The following SLC2A3 variants were observed in gnomAD, a reference collection of about 807,000 sequenced individuals.
The protein encoded by SLC2A3 is solute carrier family 2 member 3.
A neutral mutation model predicts 46.4 loss-of-function variants in SLC2A3; 21 were observed. That is an observed-to-expected ratio of 0.45 (90% CI 0.32 to 0.65). The LOEUF (loss-of-function observed/expected upper bound fraction) is 0.65, where lower values mean the gene tolerates loss of function less well. SLC2A3 is among the 30% of genes least tolerant of loss of function. The pLI is 0.04. For synonymous variants in SLC2A3, 213 were observed against 239.4 expected (o/e 0.89, Z 1.02); for missense variants, 499 against 623.3 (o/e 0.80, Z 2.12).
chr12:7,921,173 A>G lies in SLC2A3; in HGVS notation c.*240T>C. 1.2e-6 allele frequency: 1 copy of G among 856,364 alleles called. No individual in the cohort carries two copies. The highest frequency in any genetic ancestry group is 1.8e-6 in the Non-Finnish European group (1 of 560,128). 53.0% of individuals were successfully genotyped at this position (856,364 alleles called of 1,614,324 possible). On this transcript the variant is annotated 3_prime_UTR_variant, in exon 10 of 10. Coordinates refer to ENST00000075120, the MANE Select transcript of SLC2A3 (RefSeq NM_006931.3). ...GTGCCAAGCGGCCAATCCCTCCTGA[A>G]ATGAAGGTAGGTTCACTCGGTCTCT...
chr12:7,921,411 ACTTAGACATTGGTGGTGGTCTC>A lies in SLC2A3; in HGVS notation c.1471_*1del. ...CGGGAGGGAGGTGGAAGGAGGCACG[ACTTAGACATTGGTGGTGGTCTC>A]CTTAGCAGGCTCGATGCTGTTCATC... On this transcript the variant is annotated stop_lost and 3_prime_UTR_variant, in exon 10 of 10. Transcript: ENST00000075120. The A allele has an allele frequency of 6.2e-7, 1 of 1,614,056 alleles. No individual in the cohort carries two copies. Among genetic ancestry groups the A allele is most frequent in the East Asian group, 2.2e-5 (1 of 44,884 alleles).
chr12:7,925,942 A>G lies in SLC2A3; in HGVS notation c.868T>C (p.Tyr290His). 1.2e-6 allele frequency: 2 copies of G among 1,612,172 alleles called. No homozygotes were observed. The highest frequency in any genetic ancestry group is 1.1e-5 in the South Asian group (1 of 91,050). Residue 290 changes from tyrosine to histidine, a missense_variant, in exon 7 of 10, where the codon TAT becomes CAT. By Grantham distance (83) the Tyr-to-His change is moderately conservative. This residue lies in a region of SLC2A3 where 65 missense variants were observed against 88.4 expected (regional missense o/e 0.74). Transcript: ENST00000075120. Reference protein sequence around the residue: ...QQLSGINAVFYYSTGIFKDAG... With the variant: ...QQLSGINAVFHYSTGIFKDAG... ...TCCTTGAAGATTCCTGTTGAGTAATAGAACACCTAGGAGAAAAGAAAACAT... is the reference window on the plus strand; with the variant it reads ...TCCTTGAAGATTCCTGTTGAGTAATGGAACACCTAGGAGAAAAGAAAACAT...
chr12:7,931,591 T>C (rs1029694425), intron 3 of SLC2A3, 106 bp from the exon 4 acceptor site: 4 of 1,482,628 alleles, frequency 2.7e-6, no homozygotes, highest in Non-Finnish European at 3.6e-6. Context: ...TCATCCCTTT[T>C]TTTTTTAATC....
intron 4 of SLC2A3, 150 bp from the exon 5 acceptor site, chr12:7,930,792 GTTTTTTT>G: frequency 2.2e-4 from 55 of 245,108 alleles, no homozygotes; most frequent in South Asian, 3.2e-4. Flanking sequence ...ACTCAGCATG[GTTTTTTT>G]TTTTTTTTTT....
intron 5 of SLC2A3, 127 bp downstream of exon 5, chr12:7,930,353 C>T: frequency 9.3e-7 from 1 of 1,073,272 alleles, no homozygotes; most frequent in Non-Finnish European, 1.3e-6. Context: ...CAGGAGTAAT[C>T]AGAACCCTCC....
In SLC2A3 at chr12:7,921,496, G is replaced by A. The variant is rs751521307; in HGVS notation, c.1408C>T (p.His470Tyr). ...TCCTTTCCAGATCTATCTGCACCGT[G>A]TGCCTGCCCTTCAAAGGCCCGTGTG... ...DITRAFEGQA[H>Y]GADRSGKDGV... Residue 470 changes from histidine to tyrosine, a missense_variant, in exon 10 of 10, where the codon CAC (histidine) becomes TAC (tyrosine). Around this residue, in one of 5 missense-constraint regions of SLC2A3, gnomAD observed 179 missense variants for 205.1 expected, o/e 0.87. Coordinates refer to ENST00000075120, the MANE Select transcript of SLC2A3 (RefSeq NM_006931.3). The A allele has an allele frequency of 3.1e-6, 5 of 1,613,828 alleles. No homozygotes were observed. The highest frequency in any genetic ancestry group is 2.7e-5 in the African/African-American group (2 of 74,902).
In SLC2A3 at chr12:7,921,166, C is replaced by A; in HGVS notation, c.*247G>T. ...TTGTCATGTGCCAAGCGGCCAATCCCTCCTGAAATGAAGGTAGGTTCACTC... is the reference window on the plus strand; with the variant it reads ...TTGTCATGTGCCAAGCGGCCAATCCATCCTGAAATGAAGGTAGGTTCACTC... On this transcript the variant is annotated 3_prime_UTR_variant, in exon 10 of 10. Coordinates refer to ENST00000075120, the MANE Select transcript of SLC2A3 (RefSeq NM_006931.3). 1 of 818,916 alleles carries A rather than the reference C, an allele frequency of 1.2e-6. No individual in the cohort carries two copies. Among genetic ancestry groups the A allele is most frequent in the Admixed American group, 2.5e-5 (1 of 39,728 alleles). The allele number at this position is 818,916 out of a possible 1,614,324, so 50.7% of individuals were successfully genotyped here.
intron 3 of SLC2A3, among the ~76,000 whole-genome samples, chr12:7,931,750 C>T (rs955417396): frequency 5.3e-5 from 8 of 151,764 alleles, no homozygotes; most frequent in African/African-American, 1.7e-4. Flanking sequence ...CACTCCAGCC[C>T]GGGTGACAGA....
chr12:7,930,753 A>G, intron 4 of SLC2A3, 111 bp from the exon 5 acceptor site: 1 of 1,260,788 alleles, frequency 7.9e-7, no homozygotes. Flanking sequence ...GTGAAAAAAT[A>G]AACAAATTGT....
chr12:7,922,591 A>T (rs774814462), intron 9 of SLC2A3, among the ~76,000 whole-genome samples: 1 of 151,986 alleles, frequency 6.6e-6, no homozygotes, highest in Non-Finnish European at 1.5e-5. Flanking sequence ...TCTCCCAAGT[A>T]GCTGGAATTA....
Position 7,929,749 on chromosome 12 carries a change from A to C in SLC2A3, c.796T>G (p.Tyr266Asp). Reference protein sequence around the residue: ...TVLELFRVSSYRQPIIISIVL... With the variant: ...TVLELFRVSSDRQPIIISIVL... The stretch of plus-strand genomic sequence containing the variant: ...ATGGAAATGATGATGGGCTGTCGGT[A>C]GCTGGACACTCTAAAGAGCTCTAGC... The change falls in exon 6 of 10, where the codon TAC becomes GAC. Residue 266 changes from tyrosine to aspartate, a missense_variant. This residue lies in a region of SLC2A3 where 65 missense variants were observed against 88.4 expected (regional missense o/e 0.74). Coordinates refer to ENST00000075120, the MANE Select transcript of SLC2A3 (RefSeq NM_006931.3). 6.2e-7 allele frequency: 1 copy of C among 1,613,576 alleles called. No homozygotes were observed. The highest frequency in any genetic ancestry group is 1.1e-5 in the South Asian group (1 of 91,064).
chr12:7,928,271 G>A (rs376135177), intron 6 of SLC2A3, among the ~76,000 whole-genome samples: 62 of 152,060 alleles, frequency 4.1e-4, no homozygotes, highest in African/African-American at 1.1e-3. Flanking sequence ...GGTGGCACAC[G>A]CCTGTAGTCC....
chr12:7,922,063 C>T (rs563872289), intron 9 of SLC2A3, among the ~76,000 whole-genome samples: 4 of 151,858 alleles, frequency 2.6e-5, no homozygotes, highest in Non-Finnish European at 5.9e-5. Context: ...GCTCTGTCAC[C>T]CAGGCTGGAG....
At chr12:7,926,015 A>G (rs1023298729) in intron 6 of SLC2A3, 67 bp from the exon 7 acceptor site, 10 of 1,381,794 alleles carry the variant, frequency 7.2e-6, no homozygotes, top group South Asian at 1.2e-5. Flanking sequence ...ACCCTCAAAA[A>G]TAAACTTAAA....
chr12:7,930,761 TG>T, intron 4 of SLC2A3, 119 bp from the exon 5 acceptor site: 2 of 1,155,420 alleles, frequency 1.7e-6, no homozygotes, highest in Non-Finnish European at 2.4e-6. Flanking sequence ...ATAAACAAAT[TG>T]TGTTTCTTTT....
intron 2 of SLC2A3, 198 bp from the exon 3 acceptor site, chr12:7,933,345 G>A: frequency 2.8e-6 from 2 of 717,050 alleles, no homozygotes; most frequent in Admixed American, 2.9e-5. Context: ...CCCAGTAGGT[G>A]GCAGCACCGA....
chr12:7,935,518 C>T (rs1946203652), intron 1 of SLC2A3, among the ~76,000 whole-genome samples: 1 of 152,156 alleles, frequency 6.6e-6, no homozygotes, highest in Non-Finnish European at 1.5e-5. Context: ...TTAGTATGTC[C>T]TGCACTCACG....
At chr12:7,926,688 T>G (rs758927197) in intron 6 of SLC2A3, among the ~76,000 whole-genome samples, 1 of 152,110 alleles carries the variant, frequency 6.6e-6, no homozygotes, top group Non-Finnish European at 1.5e-5. Context: ...AATTGGCTCT[T>G]CCCCAAACTC....
chr12:7,931,706 G>T (rs1946157902), intron 3 of SLC2A3, among the ~76,000 whole-genome samples: 1 of 151,904 alleles, frequency 6.6e-6, no homozygotes, highest in African/African-American at 2.4e-5. Flanking sequence ...GAGGTCGGAG[G>T]TCGAAGCTGT....
Sources: allele counts gnomAD v4.1 joint callset (sites outside exome capture counted in the v4.1 genomes callset), GRCh38; gene constraint gnomAD v4.1.1; regional missense constraint gnomAD v4.1.1; transcripts MANE v1.5; gene names NCBI Gene and HGNC (gene_info 2026-07-23, HGNC 2026-07-21).